GLDN: variants seen among roughly 807,000 people sequenced by gnomAD.
The protein encoded by GLDN is collomin.
In GLDN, 47 loss-of-function variants were observed where a neutral mutation model predicts 56.5. That is an observed-to-expected ratio of 0.83 (90% CI 0.66 to 1.06). GLDN has a LOEUF of 1.06. GLDN is among the 50% of genes least tolerant of loss of function. The pLI is 0.00. For missense variants in GLDN, 782 were observed against 714.3 expected, an observed-to-expected ratio of 1.09 and a Z score of -1.08; for synonymous variants, 332 against 278.8, an observed-to-expected ratio of 1.19 and a Z score of -1.90.
rs1243138294 is a variant in GLDN, at chr15:51,406,520, G to T, written c.*1766G>T. ...TTAACAGCAGTATTTTAAAACTTAGGGTTGAACTGGGCATGGTGGCACATA... is the reference window on the plus strand; with the variant it reads ...TTAACAGCAGTATTTTAAAACTTAGTGTTGAACTGGGCATGGTGGCACATA... On this transcript the variant is annotated 3_prime_UTR_variant, in exon 10 of 10. Transcript: ENST00000335449. 6.6e-6 allele frequency: 1 copy of T among 152,088 alleles called. No homozygotes were observed. Among genetic ancestry groups the T allele is most frequent in the Admixed American group, 6.6e-5 (1 of 15,262 alleles). The allele number at this position is 152,088 out of a possible 1,614,324, so 9.4% of individuals were successfully genotyped here.
At chr15:51,375,546 C>T (rs1276498458) in intron 1 of GLDN, among the ~76,000 whole-genome samples, 4 of 152,170 alleles carry the variant, frequency 2.6e-5, no homozygotes, top group African/African-American at 9.7e-5. Flanking sequence ...TTTTCTGAAG[C>T]TCGCTGGAGC....
Position 51,405,245 on chromosome 15 carries a change from A to G in GLDN, c.*491A>G, listed in dbSNP as rs561892245. 1 of 157,684 alleles carries G rather than the reference A, an allele frequency of 6.3e-6. No individual in the cohort carries two copies. The highest frequency in any genetic ancestry group is 1.9e-4 in the East Asian group (1 of 5,296). 9.8% of individuals were successfully genotyped at this position (157,684 alleles called of 1,614,324 possible). A position where few individuals can be genotyped will look rare whatever the true frequency, so the allele number is the denominator to read the frequency against. On this transcript the variant is annotated 3_prime_UTR_variant, in exon 10 of 10. Transcript: ENST00000335449. Reference sequence around the variant, plus strand: ...AATGCATTGACTCTTTAAGACATCTAAAGTATCACATTATCCATAATTTAT... The same window carrying G: ...AATGCATTGACTCTTTAAGACATCTGAAGTATCACATTATCCATAATTTAT...
chr15:51,371,901 T>C (rs1184994316), intron 1 of GLDN, among the ~76,000 whole-genome samples: 2 of 152,196 alleles, frequency 1.3e-5, no homozygotes, highest in Non-Finnish European at 2.9e-5. Flanking sequence ...GCCAGGCTGG[T>C]CTTGAACTCC....
intron 1 of GLDN, among the ~76,000 whole-genome samples, chr15:51,368,298 G>A (rs192063355): frequency 2.0e-5 from 3 of 152,086 alleles, no homozygotes; most frequent in African/African-American, 2.4e-5. Context: ...AGAAGTCAGC[G>A]TAACAGCGAA....
intron 1 of GLDN, among the ~76,000 whole-genome samples, chr15:51,365,843 T>A (rs2037389924): frequency 6.6e-6 from 1 of 152,188 alleles, no homozygotes; most frequent in East Asian, 1.9e-4. Flanking sequence ...CAAGATCAGG[T>A]AAATATTCAC....
intron 1 of GLDN, among the ~76,000 whole-genome samples, chr15:51,346,169 A>T (rs1566933680): frequency 6.6e-6 from 1 of 151,648 alleles, no homozygotes; most frequent in East Asian, 1.9e-4. Context: ...CTATCAATAG[A>T]TTTTTTTTTC....
At position 51,377,516 on chromosome 15, in the gene GLDN, A is replaced by G; in HGVS notation, c.415+16A>G. The G allele has an allele frequency of 6.2e-7, 1 of 1,611,742 alleles. No individual in the cohort carries two copies. The highest frequency in any genetic ancestry group is 1.3e-5 in the African/African-American group (1 of 74,994). On this transcript the variant is annotated intron_variant, in intron 2 of 9. Coordinates refer to ENST00000335449, the MANE Select transcript of GLDN (RefSeq NM_181789.4). ...TGCCTCACAGGTAGGCTGGCCGCTG[A>G]GCAGAGCCGCTCACACAACAAGGAC...
At chr15:51,362,806 A>G (rs1324863526) in intron 1 of GLDN, among the ~76,000 whole-genome samples, 1 of 152,202 alleles carries the variant, frequency 6.6e-6, no homozygotes, top group African/African-American at 2.4e-5. Flanking sequence ...GAAAGATGAT[A>G]GTGGCTTAGA....
chr15:51,378,545 C>A (rs1403608678), intron 2 of GLDN, among the ~76,000 whole-genome samples: 2 of 152,052 alleles, frequency 1.3e-5, no homozygotes, highest in African/African-American at 4.8e-5. Flanking sequence ...TAATATAGAC[C>A]TGAGAGCCAG....
chr15:51,401,769 A>G, intron 9 of GLDN, 26 bp downstream of exon 9: 1 of 1,603,884 alleles, frequency 6.2e-7, no homozygotes, highest in South Asian at 1.1e-5. Context: ...GCACCTTCTC[A>G]CGCCTCTCAG....
intron 8 of GLDN, 123 bp from the exon 9 acceptor site, chr15:51,401,470 C>A: frequency 1.2e-6 from 1 of 821,760 alleles, no homozygotes; most frequent in Non-Finnish European, 2.0e-6. Context: ...TCACACTGGA[C>A]AAGGGACCTT....
chr15:51,364,414 C>G (rs1467185606), intron 1 of GLDN, among the ~76,000 whole-genome samples: 1 of 152,186 alleles, frequency 6.6e-6, no homozygotes, highest in African/African-American at 2.4e-5. Flanking sequence ...GGCTCTCGCT[C>G]TGTCACCCAG....
At chr15:51,377,291 T>A (rs1566943385) in intron 1 of GLDN, 158 bp from the exon 2 acceptor site, 4 of 599,610 alleles carry the variant, frequency 6.7e-6, no homozygotes, top group Non-Finnish European at 8.9e-6. Context: ...GACTGCAGCA[T>A]CACTAGGTGG....
At position 51,400,208 on chromosome 15, in the gene GLDN, A is replaced by G; in HGVS notation, c.834A>G (p.Ile278Met). 6.2e-7 allele frequency: 1 copy of G among 1,614,126 alleles called. No individual in the cohort carries two copies. The highest frequency in any genetic ancestry group is 8.5e-7 in the Non-Finnish European group (1 of 1,179,970). Reference sequence around the variant, plus strand: ...TCATTTTAGGTGAGACTTGTGCCATACCAAATGATGATACCTTGGTTGGAA... The same window carrying G: ...TCATTTTAGGTGAGACTTGTGCCATGCCAAATGATGATACCTTGGTTGGAA... Reference protein sequence around the residue: ...NGQCPGETCAIPNDDTLVGKA... With the variant: ...NGQCPGETCAMPNDDTLVGKA... The change falls in exon 7 of 10, where the codon ATA (isoleucine) becomes ATG (methionine). Residue 278 changes from isoleucine to methionine, a missense_variant. By Grantham distance (10) the Ile-to-Met change is conservative. Coordinates refer to ENST00000335449, the MANE Select transcript of GLDN (RefSeq NM_181789.4).
chr15:51,391,752 C>T (rs188638986), intron 4 of GLDN, among the ~76,000 whole-genome samples: 1 of 152,206 alleles, frequency 6.6e-6, no homozygotes, highest in African/African-American at 2.4e-5. Context: ...ATGATTTGAC[C>T]CCCATATCAC....
intron 8 of GLDN, among the ~76,000 whole-genome samples, chr15:51,400,870 C>A (rs1046110359): frequency 6.6e-6 from 1 of 152,120 alleles, no homozygotes; most frequent in Non-Finnish European, 1.5e-5. Flanking sequence ...CTAAGGTTGC[C>A]GCCCTCCCAG....
intron 1 of GLDN, among the ~76,000 whole-genome samples, chr15:51,376,139 C>A (rs1004579344): frequency 6.6e-6 from 1 of 152,100 alleles, no homozygotes; most frequent in African/African-American, 2.4e-5. Flanking sequence ...CTAAGAAATA[C>A]GTCATTAGGC....
intron 1 of GLDN, among the ~76,000 whole-genome samples, chr15:51,373,717 G>T (rs1198091126): frequency 6.6e-6 from 1 of 152,194 alleles, no homozygotes; most frequent in Non-Finnish European, 1.5e-5. Flanking sequence ...GGGCAGGGAG[G>T]GGGAGAGCAC....
intron 8 of GLDN, among the ~76,000 whole-genome samples, chr15:51,400,944 G>A (rs1296893148): frequency 1.3e-5 from 2 of 152,180 alleles, no homozygotes; most frequent in African/African-American, 4.8e-5. Context: ...AGAAGGTGAA[G>A]TTCCACCTTG....
Sources: allele counts gnomAD v4.1 joint callset (sites outside exome capture counted in the v4.1 genomes callset), GRCh38; gene constraint gnomAD v4.1.1; transcripts MANE v1.5; gene names NCBI Gene and HGNC (gene_info 2026-07-23, HGNC 2026-07-21).